The following RAD23A variants were observed in gnomAD, a reference collection of about 807,000 sequenced individuals.
The protein encoded by RAD23A is lysine-specific demethylase RAD23A.
A neutral mutation model predicts 44.8 loss-of-function variants in RAD23A; 16 were observed. That is an observed-to-expected ratio of 0.36 (90% confidence interval 0.24 to 0.54). The LOEUF (loss-of-function observed/expected upper bound fraction) is 0.54. RAD23A is among the 20% of genes least tolerant of loss of function. The probability of loss-of-function intolerance (pLI) is 0.89; values close to 1 mark genes in which losing one functional copy is unlikely to be tolerated. For missense variants in RAD23A, 380 were observed against 483.3 expected, an observed-to-expected ratio of 0.79 and a Z score of 2.00; for synonymous variants, 217 against 202.9, an observed-to-expected ratio of 1.07 and a Z score of -0.59.
rs1011513884 is a variant in RAD23A at position 12,949,000 on chromosome 19, C to T, written c.601-81C>T. The stretch of plus-strand genomic sequence containing the variant: ...GGGCCTCTGGAGGGCAGGGCCGAGG[C>T]CTCATCTGTGTCCTGCCAGGGCATG... On this transcript the variant is annotated intron_variant, in intron 5 of 8. Coordinates refer to ENST00000586534, the MANE Select transcript of RAD23A (RefSeq NM_005053.4). The surrounding 1 kb of genome is among the most constrained non-coding windows in gnomAD (Gnocchi z 5.5). 6.5e-7 allele frequency: 1 copy of T among 1,549,888 alleles called. No individual in the cohort carries two copies.
rs769666481 is a variant in RAD23A at position 12,952,977 on chromosome 19, C to T, written c.1020C>T (p.Ala340=). The change falls in exon 9 of 9, where the codon GCC becomes GCT. Residue 340 remains alanine (A), a synonymous_variant. Coordinates refer to ENST00000586534, the MANE Select transcript of RAD23A (RefSeq NM_005053.4). ...LGFPESLVIQ[A]YFACEKNENL... ...TCCCAGAGAGCCTGGTCATCCAGGC[C>T]TATTTCGCGTGTGAAAAAAATGAGA... 5 of 1,613,916 alleles carry T rather than the reference C, an allele frequency of 3.1e-6. No homozygotes were observed. The highest frequency in any genetic ancestry group is 4.2e-6 in the Non-Finnish European group (5 of 1,180,006).
In RAD23A at chr19:12,952,821, G is replaced by C; in HGVS notation, c.946G>C (p.Val316Leu). Residue 316 changes from valine to leucine, a missense_variant, in exon 8 of 9, where the codon GTG (valine) becomes CTG (leucine). Transcript: ENST00000586534. ...GGCCCCGCAGATGAACTACATCCAG[G>C]TGACGCCGCAGGAGAAAGAAGCTAT... ...EEAPQMNYIQ[V>L]TPQEKEAIER... 3 of 1,608,364 alleles carry C rather than the reference G, an allele frequency of 1.9e-6. No homozygotes were observed. The highest frequency in any genetic ancestry group is 1.7e-4 in the Middle Eastern group (1 of 6,020).
Position 12,952,740 on chromosome 19 carries a change from G to A in RAD23A, c.865G>A (p.Gly289Arg). The change falls in exon 8 of 9, where the codon GGG becomes AGG. Residue 289 changes from glycine (G) to arginine (R), a missense_variant. Coordinates refer to ENST00000586534, the MANE Select transcript of RAD23A (RefSeq NM_005053.4). ...QFIQMLNEPPGELADISDVEG... is the reference protein window; with the variant it reads ...QFIQMLNEPPRELADISDVEG... The stretch of plus-strand genomic sequence containing the variant: ...CATCCAGATGCTGAACGAGCCCCCT[G>A]GGGAGCTGGCGGACATCTCAGATGT... The A allele has an allele frequency of 6.2e-7, 1 of 1,613,064 alleles. No individual in the cohort carries two copies. Among genetic ancestry groups the A allele is most frequent in the Non-Finnish European group, 8.5e-7 (1 of 1,179,784 alleles).
In RAD23A at chr19:12,948,253, C is replaced by T. The variant is rs375981873; in HGVS notation, c.311C>T (p.Pro104Leu). 116 of 1,613,798 alleles carry T rather than the reference C, an allele frequency of 7.2e-5. No homozygotes were observed. The East Asian group carries it at 7.6e-4, about 11-fold the overall frequency. Reference protein sequence around the residue: ...TAAPESSTSFPPAPTSGMSHP... With the variant: ...TAAPESSTSFLPAPTSGMSHP... Reference sequence around the variant, plus strand: ...GCCCCAGAGTCCTCTACATCCTTCCCGCCTGCCCCCACCTCAGGCATGTCC... The same window carrying T: ...GCCCCAGAGTCCTCTACATCCTTCCTGCCTGCCCCCACCTCAGGCATGTCC... The change falls in exon 3 of 9, where the codon CCG becomes CTG. Residue 104 changes from proline to leucine, a missense_variant. Transcript: ENST00000586534. This position sits in a 1 kb window ranked among gnomAD's most constrained non-coding sequence, Gnocchi z 5.5.
At chr19:12,946,647 C>G (rs1276451270) in intron 1 of RAD23A, among the ~76,000 whole-genome samples, 1 of 152,152 alleles carries the variant, frequency 6.6e-6, no homozygotes, top group African/African-American at 2.4e-5. Context: ...CAAGTAATGG[C>G]AGAGCTGGGA....
chr19:12,945,936 C>G lies in RAD23A; in HGVS notation c.-13C>G. ...TGAGGATCCCGGGGCCGCCGCGTCG[C>G]TCGGGCCCCGCCATGGCCGTCACCA... On this transcript the variant is annotated 5_prime_UTR_variant, in exon 1 of 9. Coordinates refer to ENST00000586534, the MANE Select transcript of RAD23A (RefSeq NM_005053.4). The G allele has an allele frequency of 6.2e-7, 1 of 1,606,844 alleles. No homozygotes were observed. Among genetic ancestry groups the G allele is most frequent in the Non-Finnish European group, 8.5e-7 (1 of 1,177,988 alleles).
In RAD23A at chr19:12,949,321, G is replaced by A; in HGVS notation, c.726G>A (p.Gln242=). 6.2e-7 allele frequency: 1 copy of A among 1,614,166 alleles called. No homozygotes were observed. Among genetic ancestry groups the A allele is most frequent in the East Asian group, 2.2e-5 (1 of 44,880 alleles). ...TCCTGCGGGACCAGCCCCAGTTCCA[G>A]AACATGCGGCAGGTGATTCAGCAGA... ...LEFLRDQPQF[Q]NMRQVIQQNP... The change falls in exon 7 of 9, where the codon CAG becomes CAA. Residue 242 remains glutamine (Q), a synonymous_variant. Coordinates refer to ENST00000586534, the MANE Select transcript of RAD23A (RefSeq NM_005053.4).
chr19:12,947,805 G>T, intron 1 of RAD23A, 43 bp from the exon 2 acceptor site: 1 of 1,596,138 alleles, frequency 6.3e-7, no homozygotes, highest in East Asian at 2.2e-5. Flanking sequence ...AGGGAAAAGA[G>T]AATCTTGGGG....
In RAD23A at chr19:12,949,000, C is replaced by A. The variant is rs1011513884; in HGVS notation, c.601-81C>A. ...GGGCCTCTGGAGGGCAGGGCCGAGG[C>A]CTCATCTGTGTCCTGCCAGGGCATG... On this transcript the variant is annotated intron_variant, in intron 5 of 8. Transcript: ENST00000586534. This position sits in a 1 kb window ranked among gnomAD's most constrained non-coding sequence, Gnocchi z 5.5. The A allele has an allele frequency of 6.5e-7, 1 of 1,549,770 alleles. No homozygotes were observed. The highest frequency in any genetic ancestry group is 1.4e-5 in the African/African-American group (1 of 73,252).
chr19:12,948,436 A>C lies in RAD23A; in HGVS notation c.417-61A>C. Reference sequence around the variant, plus strand: ...AGCGTCCACATAAGTGGTCCCACACACCTGGAGGGAGGGCAAGCCGCCAGA... The same window carrying C: ...AGCGTCCACATAAGTGGTCCCACACCCCTGGAGGGAGGGCAAGCCGCCAGA... On this transcript the variant is annotated intron_variant, in intron 3 of 8. Coordinates refer to ENST00000586534, the MANE Select transcript of RAD23A (RefSeq NM_005053.4). This position sits in a 1 kb window ranked among gnomAD's most constrained non-coding sequence, Gnocchi z 5.5. 3.2e-6 allele frequency: 5 copies of C among 1,548,344 alleles called. No individual in the cohort carries two copies. The South Asian group carries it at 4.9e-5, about 15-fold the overall frequency.
chr19:12,946,243 C>A (rs1971670594), intron 1 of RAD23A, among the ~76,000 whole-genome samples: 2 of 152,192 alleles, frequency 1.3e-5, no homozygotes, highest in Non-Finnish European at 2.9e-5. Context: ...GAGGCCCCAC[C>A]CCCGGGGCGC....
chr19:12,952,663 C>T (rs1183318703), intron 7 of RAD23A, 26 bp from the exon 8 acceptor site: 1 of 1,593,636 alleles, frequency 6.3e-7, no homozygotes, highest in Non-Finnish European at 8.6e-7. Context: ...TGTGAATTAC[C>T]TTCCCTTCCC....
At position 12,952,470 on chromosome 19, in the gene RAD23A, GT is replaced by G. The variant is rs1385191739; in HGVS notation, c.814-218del. 30 of 538,622 alleles carry G rather than the reference GT, an allele frequency of 5.6e-5. No homozygotes were observed. The South Asian group carries it at 7.0e-4, about 13-fold the overall frequency. 33.4% of individuals were successfully genotyped at this position (538,622 alleles called of 1,614,324 possible). On this transcript the variant is annotated intron_variant, in intron 7 of 8. Coordinates refer to ENST00000586534, the MANE Select transcript of RAD23A (RefSeq NM_005053.4). ...GCCTCCCAAAGTGCTGGGATTACAG[GT>G]GTGAGCCACCGTGCCCGGCTTATTT...
In RAD23A at chr19:12,948,979, C is replaced by A. The variant is rs1971735933; in HGVS notation, c.601-102C>A. 1.3e-6 allele frequency: 2 copies of A among 1,527,450 alleles called. No homozygotes were observed. The highest frequency in any genetic ancestry group is 1.8e-6 in the Non-Finnish European group (2 of 1,118,844). 94.6% of individuals were successfully genotyped at this position (1,527,450 alleles called of 1,614,324 possible). A position where few individuals can be genotyped will look rare whatever the true frequency, so the allele number is the denominator to read the frequency against. On this transcript the variant is annotated intron_variant, in intron 5 of 8. Transcript: ENST00000586534. This position sits in a 1 kb window ranked among gnomAD's most constrained non-coding sequence, Gnocchi z 5.5. ...GGCTGGATGTGAGTGATGGGTGGGCCTCTGGAGGGCAGGGCCGAGGCCTCA... is the reference window on the plus strand; with the variant it reads ...GGCTGGATGTGAGTGATGGGTGGGCATCTGGAGGGCAGGGCCGAGGCCTCA...
At chr19:12,951,884 G>T (rs1026456097) in intron 7 of RAD23A, among the ~76,000 whole-genome samples, 1 of 152,146 alleles carries the variant, frequency 6.6e-6, no homozygotes, top group African/African-American at 2.4e-5. Flanking sequence ...GCCCTCATCT[G>T]CAGTTCCTTC....
At chr19:12,946,863 T>C (rs1278719418) in intron 1 of RAD23A, among the ~76,000 whole-genome samples, 1 of 152,194 alleles carries the variant, frequency 6.6e-6, no homozygotes. Context: ...TGTTTGGCTT[T>C]GGGCAAGTTA....
intron 7 of RAD23A, among the ~76,000 whole-genome samples, chr19:12,950,020 A>G (rs1035394678): frequency 1.3e-5 from 2 of 151,724 alleles, no homozygotes; most frequent in Non-Finnish European, 2.9e-5. Context: ...CGTGTTCTTC[A>G]TCTGCACTCA....
At chr19:12,950,605 G>T (rs1971784551) in intron 7 of RAD23A, among the ~76,000 whole-genome samples, 1 of 152,208 alleles carries the variant, frequency 6.6e-6, no homozygotes. Flanking sequence ...ATTTCACCCT[G>T]TTAGCCAGGA....
In RAD23A at chr19:12,945,966, G is replaced by A. The variant is rs1484020482; in HGVS notation, c.18G>A (p.Thr6=). MAVTI[T]LKTLQQQTFK... is the part of the protein sequence containing the mutation. ...GCCCCGCCATGGCCGTCACCATCAC[G>A]CTCAAAACGCTGCAGCAGCAGACCT... is the stretch of plus-strand genomic sequence containing the variant. Residue 6 remains threonine, a synonymous_variant, in exon 1 of 9, where the codon ACG becomes ACA. Coordinates refer to ENST00000586534, the MANE Select transcript of RAD23A (RefSeq NM_005053.4). The A allele has an allele frequency of 2.5e-6, 4 of 1,603,944 alleles. No individual in the cohort carries two copies. The highest frequency in any genetic ancestry group is 4.6e-5 in the East Asian group (2 of 43,880).
Sources: allele counts gnomAD v4.1 joint callset (sites outside exome capture counted in the v4.1 genomes callset), GRCh38; gene constraint gnomAD v4.1.1; non-coding constraint Gnocchi (gnomAD v3.1); transcripts MANE v1.5; gene names NCBI Gene and HGNC (gene_info 2026-07-23, HGNC 2026-07-21).